The following GRK2 variants were observed in gnomAD, a reference collection of about 807,000 sequenced individuals.
GRK2 encodes G protein-coupled receptor kinase 2, also known as adrenergic beta receptor kinase 1.
In GRK2, 23 loss-of-function variants were observed where a neutral mutation model predicts 97.8. The observed-to-expected ratio is 0.24, with a 90% CI of 0.17 to 0.33. The LOEUF (loss-of-function observed/expected upper bound fraction) is 0.33. Among genes scored for constraint, GRK2 ranks in the 10% least tolerant of loss-of-function variants. The pLI is 1.00. For missense variants in GRK2, 633 were observed against 956.9 expected (o/e 0.66, Z 4.47); for synonymous variants, 425 against 381.7 (o/e 1.11, Z -1.32).
In GRK2 at chr11:67,282,396, C is replaced by T. The variant is rs1431709422; in HGVS notation, c.1052+31C>T. The stretch of plus-strand genomic sequence containing the variant: ...TGCCCCCCACCCTCTCCCTCCCCAC[C>T]CCTTGCCACTCCCGCTTATGGCCCC... On this transcript the variant is annotated intron_variant, in intron 12 of 20. Transcript: ENST00000308595. The surrounding 1 kb of genome is among the most constrained non-coding windows in gnomAD (Gnocchi z 6.9). 1 of 1,612,072 alleles carries T rather than the reference C, an allele frequency of 6.2e-7. No individual in the cohort carries two copies. Among genetic ancestry groups the T allele is most frequent in the Non-Finnish European group, 8.5e-7 (1 of 1,178,832 alleles).
In GRK2 at chr11:67,281,479, A is replaced by G; in HGVS notation, c.668A>G (p.Asp223Gly). ...TGKMYAMKCL[D>G]KKRIKMKQGE... ...CGTAGGTACGCCATGAAGTGCCTGG[A>G]CAAAAAGCGCATCAAGATGAAGCAG... The change falls in exon 9 of 21, where the codon GAC becomes GGC. Residue 223 changes from aspartate (D) to glycine (G), a missense_variant. Asp to Gly is a moderately conservative substitution (Grantham distance 94). Transcript: ENST00000308595. The surrounding 1 kb of genome is among the most constrained non-coding windows in gnomAD (Gnocchi z 5.7). The G allele has an allele frequency of 6.2e-7, 1 of 1,613,664 alleles. No individual in the cohort carries two copies. Among genetic ancestry groups the G allele is most frequent in the Non-Finnish European group, 8.5e-7 (1 of 1,179,958 alleles).
In GRK2 at chr11:67,266,792, GATCC is replaced by G; in HGVS notation, c.94_97del (p.Ile32CysfsTer21). 7.4e-7 allele frequency: 1 copy of G among 1,355,984 alleles called. No homozygotes were observed. The highest frequency in any genetic ancestry group is 9.6e-7 in the Non-Finnish European group (1 of 1,041,074). The allele number at this position is 1,355,984 out of a possible 1,614,324, so 84.0% of individuals were successfully genotyped here. ...CGCCGGCCGCGCGCGCCAGCAAGAA[GATCC>G]TGCTGCCCGAGCCCAGGTGAGGAGA... On this transcript the variant is annotated frameshift_variant, in exon 1 of 21. Transcript: ENST00000308595. LOFTEE classifies it high-confidence loss of function.
chr11:67,279,444 G>A lies in GRK2; in HGVS notation c.291G>A (p.Thr97=), dbSNP rs1030807482. The change falls in exon 4 of 21, where the codon ACG becomes ACA. Residue 97 remains threonine, a synonymous_variant. Coordinates refer to ENST00000308595, the MANE Select transcript of GRK2 (RefSeq NM_001619.5). The stretch of plus-strand genomic sequence containing the variant: ...TCAAGAAGTACGAGAAGCTGGAGAC[G>A]GAGGAGGAGCGTGTGGCCCGCAGCC... ...EEIKKYEKLE[T]EEERVARSRE... is the part of the protein sequence containing the mutation. 5 of 1,613,342 alleles carry A rather than the reference G, an allele frequency of 3.1e-6. No individual in the cohort carries two copies. The highest frequency in any genetic ancestry group is 4.2e-6 in the Non-Finnish European group (5 of 1,180,030).
intron 2 of GRK2, among the ~76,000 whole-genome samples, chr11:67,278,284 A>G (rs927514069): frequency 2.0e-5 from 3 of 152,136 alleles, no homozygotes; most frequent in African/African-American, 7.2e-5. Flanking sequence ...ATGAGAGGCC[A>G]CCCAGCTCGA....
In GRK2 at chr11:67,286,529, A is replaced by G. The variant is rs1297113091; in HGVS notation, c.*1079A>G. 3 of 701,602 alleles carry G rather than the reference A, an allele frequency of 4.3e-6. No homozygotes were observed. The highest frequency in any genetic ancestry group is 1.5e-5 in the South Asian group (1 of 67,588). The allele number at this position is 701,602 out of a possible 1,614,324, so 43.5% of individuals were successfully genotyped here. On this transcript the variant is annotated 3_prime_UTR_variant, in exon 21 of 21. Coordinates refer to ENST00000308595, the MANE Select transcript of GRK2 (RefSeq NM_001619.5). ...ATTTTAAAGAGTGAAAAATGAGACT[A>G]TGCGTTTTTATAAAAAATGGTGCCT...
chr11:67,279,771 C>T, intron 5 of GRK2, 68 bp from the exon 6 acceptor site: 3 of 1,612,770 alleles, frequency 1.9e-6, no homozygotes, highest in South Asian at 2.2e-5. Flanking sequence ...CCTGGTCAGC[C>T]AGGGGTGGGG....
At position 67,269,780 on chromosome 11, in the gene GRK2, C is replaced by T. The variant is rs1354757631; in HGVS notation, c.113+2968C>T. 6.6e-6 allele frequency among the ~76,000 whole-genome samples: 1 copy of T among 152,154 alleles called. No individual in the cohort carries two copies. Among genetic ancestry groups the T allele is most frequent in the Non-Finnish European group, 1.5e-5 (1 of 68,024 alleles). On this transcript the variant is annotated intron_variant, in intron 1 of 20. Transcript: ENST00000308595. The surrounding 1 kb of genome is among the most constrained non-coding windows in gnomAD (Gnocchi z 4.1). ...CCTTGAGGTGGCCCACCTTGGCAGC[C>T]CCTCCATGGCTGGTGCCTGGGGATG...
At position 67,276,268 on chromosome 11, in the gene GRK2, G is replaced by A. The variant is rs1371681928; in HGVS notation, c.114-1004G>A. 6.6e-6 allele frequency among the ~76,000 whole-genome samples: 1 copy of A among 152,220 alleles called. No individual in the cohort carries two copies. Among genetic ancestry groups the A allele is most frequent in the Non-Finnish European group, 1.5e-5 (1 of 68,028 alleles). On this transcript the variant is annotated intron_variant, in intron 1 of 20. Coordinates refer to ENST00000308595, the MANE Select transcript of GRK2 (RefSeq NM_001619.5). This position sits in a 1 kb window ranked among gnomAD's most constrained non-coding sequence, Gnocchi z 4.2. ...TACCCCAGGAGCCCAGACTAGTGAG[G>A]ACCAGATGCAGGCCTCAGCTGGCTG...
chr11:67,274,826 G>A (rs1433413226), intron 1 of GRK2, among the ~76,000 whole-genome samples: 1 of 152,168 alleles, frequency 6.6e-6, no homozygotes, highest in Non-Finnish European at 1.5e-5. Context: ...GGTGGCTGGT[G>A]GACATGAGCT....
rs915185354 is a variant in GRK2 at position 67,286,386 on chromosome 11, G to A, written c.*936G>A. ...CGCCTCGCCCACCGCATGCCCCCTCGTGCCAGTCGCGCTGCCTGTGTGGTG... is the reference window on the plus strand; with the variant it reads ...CGCCTCGCCCACCGCATGCCCCCTCATGCCAGTCGCGCTGCCTGTGTGGTG... On this transcript the variant is annotated 3_prime_UTR_variant, in exon 21 of 21. Coordinates refer to ENST00000308595, the MANE Select transcript of GRK2 (RefSeq NM_001619.5). The A allele has an allele frequency of 1.4e-5, 10 of 699,690 alleles. No homozygotes were observed. Among genetic ancestry groups the A allele is most frequent in the Admixed American group, 6.1e-5 (3 of 49,446 alleles). 43.3% of individuals were successfully genotyped at this position (699,690 alleles called of 1,614,324 possible).
At chr11:67,274,248 T>A (rs1161328608) in intron 1 of GRK2, among the ~76,000 whole-genome samples, 1 of 151,908 alleles carries the variant, frequency 6.6e-6, no homozygotes, top group Non-Finnish European at 1.5e-5. Flanking sequence ...CCTGACCTCA[T>A]GATTCGCCCG....
At position 67,281,796 on chromosome 11, in the gene GRK2, GCTGCCTGTGGGA is replaced by G; in HGVS notation, c.827-19_827-8del. The G allele has an allele frequency of 6.2e-7, 1 of 1,613,674 alleles. No individual in the cohort carries two copies. Among genetic ancestry groups the G allele is most frequent in the Non-Finnish European group, 8.5e-7 (1 of 1,179,984 alleles). ...GGGAGGCTGGGGCAAGACACTGAGT[GCTGCCTGTGGGA>G]CTGCCTCCCTCAGGTGGGGACCTGC... On this transcript the variant is annotated splice_polypyrimidine_tract_variant and intron_variant, in intron 10 of 20. Transcript: ENST00000308595. This position sits in a 1 kb window ranked among gnomAD's most constrained non-coding sequence, Gnocchi z 5.7.
Position 67,279,252 on chromosome 11 carries a change from C to G in GRK2, c.243C>G (p.Pro81=), listed in dbSNP as rs1185322722. 3 of 1,613,650 alleles carry G rather than the reference C, an allele frequency of 1.9e-6. No homozygotes were observed. The highest frequency in any genetic ancestry group is 3.3e-5 in the Admixed American group (2 of 60,008). The change falls in exon 3 of 21, where the codon CCC becomes CCG. Residue 81 remains proline (P), a synonymous_variant. Coordinates refer to ENST00000308595, the MANE Select transcript of GRK2 (RefSeq NM_001619.5). ...FCLNHLEEAR[P]LVEFYEEIKK... The stretch of plus-strand genomic sequence containing the variant: ...TGAACCACCTGGAGGAGGCCAGGCC[C>G]TTGGTGGAATTCTATGAGGAGGTGA...
At chr11:67,284,107 A>C (rs1860219058) in intron 17 of GRK2, 104 bp from the exon 18 acceptor site, 2 of 1,519,054 alleles carry the variant, frequency 1.3e-6, no homozygotes, top group Non-Finnish European at 1.8e-6. Flanking sequence ...TGGCAGTTGC[A>C]CTGACCATCC....
chr11:67,282,701 C>T lies in GRK2; in HGVS notation c.1161-51C>T, dbSNP rs148380971. 138 of 1,603,346 alleles carry T rather than the reference C, an allele frequency of 8.6e-5. 1 individual carries two copies. In the Middle Eastern group the frequency reaches 1.3e-3, roughly 15 times the overall value. ...ACAGCTCATCCATGCTGCCTGCCTC[C>T]CTTTCCCCATTCCTGTCCTTTGACA... On this transcript the variant is annotated intron_variant, in intron 13 of 20. Coordinates refer to ENST00000308595, the MANE Select transcript of GRK2 (RefSeq NM_001619.5). The surrounding 1 kb of genome is among the most constrained non-coding windows in gnomAD (Gnocchi z 6.9).
At chr11:67,284,501 GGGGCC>G in intron 18 of GRK2, 128 bp downstream of exon 18, 1 of 1,166,416 alleles carries the variant, frequency 8.6e-7, no homozygotes, top group South Asian at 1.5e-5. Flanking sequence ...AACTCAGGCT[GGGGCC>G]GGGCATGGTG....
At chr11:67,272,870 C>A (rs568690983) in intron 1 of GRK2, among the ~76,000 whole-genome samples, 1 of 152,252 alleles carries the variant, frequency 6.6e-6, no homozygotes, top group South Asian at 2.1e-4. Context: ...AGGCCCCATC[C>A]TCCAAGGCCC....
In GRK2 at chr11:67,286,142, G is replaced by A. The variant is rs1860276051; in HGVS notation, c.*692G>A. On this transcript the variant is annotated 3_prime_UTR_variant, in exon 21 of 21. Transcript: ENST00000308595. ...CACCCGGGCTCAGGGACCACAGCAA[G>A]GCACCTGCAGGTTGGGCCATACTGG... 1 of 477,404 alleles carries A rather than the reference G, an allele frequency of 2.1e-6. No homozygotes were observed. The highest frequency in any genetic ancestry group is 2.1e-5 in the African/African-American group (1 of 48,318). The allele number at this position is 477,404 out of a possible 1,614,324, so 29.6% of individuals were successfully genotyped here.
chr11:67,285,031 G>A (rs753941222), intron 19 of GRK2, 44 bp from the exon 20 acceptor site: 2 of 1,611,986 alleles, frequency 1.2e-6, no homozygotes, highest in Non-Finnish European at 1.7e-6. Flanking sequence ...CGGGTGGCTG[G>A]CCGGCCCGGC....
Sources: gnomAD v4.1 joint callset for allele counts (sites outside exome capture counted in the v4.1 genomes callset) on GRCh38, gnomAD v4.1.1 for gene constraint, Gnocchi (gnomAD v3.1) non-coding constraint, MANE v1.5 for transcripts, NCBI Gene and HGNC (gene_info 2026-07-23, HGNC 2026-07-21) for gene names.